The following GYPC variants were observed in gnomAD, a reference collection of about 807,000 sequenced individuals.
The protein encoded by GYPC is glycophorin C (Gerbich blood group).
Under a neutral mutation model 12.6 loss-of-function variants are expected in GYPC, and 14 were observed. The ratio of observed to expected loss-of-function variants is 1.11; its 90% CI spans 0.74 to 1.74. GYPC has a LOEUF of 1.74. GYPC is among the 40% of genes most tolerant of loss of function. The pLI is 0.00. For missense variants in GYPC, 225 were observed against 172.1 expected (o/e 1.31, Z -1.72); for synonymous variants, 78 against 62.1 (o/e 1.26, Z -1.20).
At chr2:126,665,310 G>A (rs962005007) in intron 1 of GYPC, among the ~76,000 whole-genome samples, 9 of 152,100 alleles carry the variant, frequency 5.9e-5, no homozygotes, top group African/African-American at 2.2e-4. Flanking sequence ...TGTTACAATT[G>A]TTTTACTTCA....
At chr2:126,666,317 C>T (rs540010913) in intron 1 of GYPC, among the ~76,000 whole-genome samples, 35 of 152,334 alleles carry the variant, frequency 2.3e-4, no homozygotes, top group African/African-American at 8.2e-4. Flanking sequence ...GGAACCACCC[C>T]TGGGCTGGCA....
intron 1 of GYPC, among the ~76,000 whole-genome samples, chr2:126,657,027 T>C (rs575701422): frequency 6.6e-6 from 1 of 152,206 alleles, no homozygotes; most frequent in South Asian, 2.1e-4. Flanking sequence ...GTAATGTACA[T>C]CCCTCTTACC....
At chr2:126,680,643 G>C (rs549596624) in intron 1 of GYPC, among the ~76,000 whole-genome samples, 40 of 152,320 alleles carry the variant, frequency 2.6e-4, no homozygotes, top group African/African-American at 9.4e-4. Flanking sequence ...GGGACTGGGG[G>C]TGAACCATGG....
At chr2:126,686,108 G>GA (rs1040906362) in intron 1 of GYPC, 27 of 985,128 alleles carry the variant, frequency 2.7e-5, no homozygotes, top group East Asian at 1.1e-4. Context: ...GCCCACGCAG[G>GA]AAAAAAAGAG....
chr2:126,692,214 G>T (rs1304389997), intron 2 of GYPC, among the ~76,000 whole-genome samples: 1 of 152,052 alleles, frequency 6.6e-6, no homozygotes, highest in East Asian at 1.9e-4. Context: ...CCGAGACCCA[G>T]ATCCTGAGCC....
At position 126,696,397 on chromosome 2, in the gene GYPC, G is replaced by T; in HGVS notation, c.*255G>T. 2.0e-6 allele frequency: 1 copy of T among 491,208 alleles called. No homozygotes were observed. Among genetic ancestry groups the T allele is most frequent in the South Asian group, 2.0e-5 (1 of 49,498 alleles). 30.4% of individuals were successfully genotyped at this position (491,208 alleles called of 1,614,324 possible). ...GCCACCTTTTGCTCCACGGAGGTGG[G>T]AGAAAATCTGGGCACATGGGGCCCC... On this transcript the variant is annotated 3_prime_UTR_variant, in exon 4 of 4. Coordinates refer to ENST00000259254, the MANE Select transcript of GYPC (RefSeq NM_002101.5).
chr2:126,692,231 C>T (rs530966075), intron 2 of GYPC, among the ~76,000 whole-genome samples: 2 of 152,202 alleles, frequency 1.3e-5, no homozygotes, highest in Admixed American at 6.5e-5. Flanking sequence ...AGCCAGTGTT[C>T]ACTGGGTCCC....
intron 1 of GYPC, chr2:126,675,680 T>C: frequency 1.0e-6 from 1 of 985,254 alleles, no homozygotes; most frequent in Non-Finnish European, 1.2e-6. Flanking sequence ...TGTTCGTCAC[T>C]ACCCGAGAAA....
intron 2 of GYPC, among the ~76,000 whole-genome samples, chr2:126,690,672 C>T (rs578139856): frequency 3.5e-4 from 53 of 152,254 alleles, no homozygotes; most frequent in African/African-American, 1.3e-3. Context: ...TGAGGGTAGA[C>T]TGACCAGGCT....
chr2:126,674,530 G>T (rs953686293), intron 1 of GYPC, among the ~76,000 whole-genome samples: 1 of 152,252 alleles, frequency 6.6e-6, no homozygotes, highest in African/African-American at 2.4e-5. Flanking sequence ...CCCTGAATGT[G>T]GTGGTGGGAG....
chr2:126,674,197 C>T (rs920993871), intron 1 of GYPC, among the ~76,000 whole-genome samples: 4 of 152,164 alleles, frequency 2.6e-5, no homozygotes, highest in African/African-American at 7.2e-5. Context: ...GATAAGCCTC[C>T]GAGCGGGAGA....
rs2104810108 is a variant in GYPC, at chr2:126,693,850, T to A, written c.107-14T>A. 5 of 1,570,990 alleles carry A rather than the reference T, an allele frequency of 3.2e-6. 1 individual carries two copies. The highest frequency in any genetic ancestry group is 2.6e-6 in the Non-Finnish European group (3 of 1,140,550). On this transcript the variant is annotated splice_polypyrimidine_tract_variant and intron_variant, in intron 2 of 3. Transcript: ENST00000259254. ...CTTCCTCTCTGACCTCAGATTCTTG[T>A]CCTCTGTTCACAGAGCCTGATCCAG... is the stretch of plus-strand genomic sequence containing the variant.
At chr2:126,658,972 C>G (rs1682447981) in intron 1 of GYPC, among the ~76,000 whole-genome samples, 1 of 152,138 alleles carries the variant, frequency 6.6e-6, no homozygotes, top group Non-Finnish European at 1.5e-5. Context: ...GATAAATTCT[C>G]CCACCTCAGC....
chr2:126,682,077 A>C (rs1683164053), intron 1 of GYPC, among the ~76,000 whole-genome samples: 1 of 151,884 alleles, frequency 6.6e-6, no homozygotes, highest in Admixed American at 6.5e-5. Context: ...TCTGCGCTCC[A>C]GCCACCTCCG....
At chr2:126,691,528 G>A (rs1364565758) in intron 2 of GYPC, among the ~76,000 whole-genome samples, 4 of 152,164 alleles carry the variant, frequency 2.6e-5, no homozygotes, top group African/African-American at 4.8e-5. Flanking sequence ...AGGGTAGGCT[G>A]AGGAGCAGTC....
chr2:126,688,165 G>C lies in GYPC; in HGVS notation c.50-2090G>C, dbSNP rs141826210. ...GGCATTTAGTATGAAATTATTAACTGTTTTAAAGGAAGGGAAAATAACAGT... is the reference window on the plus strand; with the variant it reads ...GGCATTTAGTATGAAATTATTAACTCTTTTAAAGGAAGGGAAAATAACAGT... On this transcript the variant is annotated intron_variant, in intron 1 of 3. Coordinates refer to ENST00000259254, the MANE Select transcript of GYPC (RefSeq NM_002101.5). Among the ~76,000 whole-genome samples, 273 of 152,286 alleles carry C rather than the reference G, an allele frequency of 1.8e-3. 2 individuals carry two copies. The highest frequency in any genetic ancestry group is 6.3e-3 in the African/African-American group (262 of 41,550).
intron 3 of GYPC, among the ~76,000 whole-genome samples, chr2:126,695,538 T>C (rs1683615689): frequency 6.6e-6 from 1 of 152,194 alleles, no homozygotes; most frequent in African/African-American, 2.4e-5. Context: ...GAGTTTGGAA[T>C]GGCGTGAATG....
rs1250282501 is a variant in GYPC, at chr2:126,671,391, C to T, written c.49+15079C>T. ...GACAGCCAGGGACAACCAGCTAACA[C>T]CCAAGTTCAGAAAACAGTGCTTTAT... On this transcript the variant is annotated intron_variant, in intron 1 of 3. Transcript: ENST00000259254. 3.3e-5 allele frequency among the ~76,000 whole-genome samples: 5 copies of T among 152,340 alleles called. No individual in the cohort carries two copies. In the East Asian group the frequency reaches 9.7e-4, roughly 29 times the overall value.
At chr2:126,694,250 G>C (rs1379197844) in intron 3 of GYPC, among the ~76,000 whole-genome samples, 1 of 152,106 alleles carries the variant, frequency 6.6e-6, no homozygotes, top group Non-Finnish European at 1.5e-5. Flanking sequence ...GAGGTGAGAT[G>C]AGGGTAGACT....
Sources: gnomAD v4.1 joint callset for allele counts (sites outside exome capture counted in the v4.1 genomes callset) on GRCh38, gnomAD v4.1.1 for gene constraint, MANE v1.5 for transcripts, NCBI Gene and HGNC (gene_info 2026-07-23, HGNC 2026-07-21) for gene names.